Variants in ITGAM observed in about 807,000 individuals in gnomAD.
ITGAM encodes integrin subunit alpha M.
In ITGAM, 79 loss-of-function variants were observed where a neutral mutation model predicts 137.5. That is an observed-to-expected ratio of 0.57 (90% CI 0.48 to 0.69). The LOEUF (loss-of-function observed/expected upper bound fraction) is 0.69. Ranked by LOEUF, ITGAM falls within the 30% of genes least tolerant of loss-of-function variation. The pLI, the probability that ITGAM is intolerant of heterozygous loss-of-function variation, is 0.00. For synonymous variants in ITGAM, 583 were observed against 592.3 expected (o/e 0.98, Z 0.23); for missense variants, 1,343 against 1,483.5 (o/e 0.91, Z 1.56).
chr16:31,293,142 A>G lies in ITGAM; in HGVS notation c.1357-4372A>G, dbSNP rs1032985244. Among the ~76,000 whole-genome samples the G allele has an allele frequency of 3.3e-5, 5 of 152,084 alleles. No individual in the cohort carries two copies. In the East Asian group the frequency reaches 5.8e-4, roughly 18 times the overall value. ...GTAAATTTGTTTAAGTACCCTGTAGATGTTGGATATTACACCTTTGTTGGA... is the reference window on the plus strand; with the variant it reads ...GTAAATTTGTTTAAGTACCCTGTAGGTGTTGGATATTACACCTTTGTTGGA... On this transcript the variant is annotated intron_variant, in intron 12 of 29. Transcript: ENST00000544665.
At chr16:31,325,886 C>T (rs973272541) in intron 21 of ITGAM, among the ~76,000 whole-genome samples, 1 of 151,830 alleles carries the variant, frequency 6.6e-6, no homozygotes, top group African/African-American at 2.4e-5. Context: ...GGTGACACGG[C>T]GAGACCCTGT....
intron 14 of ITGAM, among the ~76,000 whole-genome samples, chr16:31,313,865 T>C (rs2080361960): frequency 6.6e-6 from 1 of 152,194 alleles, no homozygotes; most frequent in South Asian, 2.1e-4. Flanking sequence ...AGCATTCTTA[T>C]TTCTCCACAT....
chr16:31,329,287 T>C lies in ITGAM; in HGVS notation c.2852T>C (p.Met951Thr), dbSNP rs1259018308. ...FTASENTSRV[M>T]QHQYQVSNLG... ...GCCTCAGAGAATACCAGTCGGGTCA[T>C]GCAGCATCAATATCAGGTGGGCAGC... The change falls in exon 24 of 30, where the codon ATG (methionine) becomes ACG (threonine). Residue 951 changes from methionine to threonine, a missense_variant. Physicochemically the swap from Met to Thr is moderately conservative, Grantham distance 81. Transcript: ENST00000544665. 1 of 1,612,038 alleles carries C rather than the reference T, an allele frequency of 6.2e-7. No individual in the cohort carries two copies. The highest frequency in any genetic ancestry group is 8.5e-7 in the Non-Finnish European group (1 of 1,178,470).
chr16:31,329,744 C>G, intron 24 of ITGAM, 54 bp from the exon 25 acceptor site: 1 of 1,477,090 alleles, frequency 6.8e-7, no homozygotes, highest in Non-Finnish European at 9.2e-7. Context: ...GGCTGATTCT[C>G]CAGGCTGGTG....
At chr16:31,298,968 T>C (rs942976762) in intron 14 of ITGAM, among the ~76,000 whole-genome samples, 2 of 152,184 alleles carry the variant, frequency 1.3e-5, no homozygotes, top group Non-Finnish European at 2.9e-5. Flanking sequence ...ACAGTCTGGT[T>C]CCATCTTCCC....
intron 12 of ITGAM, among the ~76,000 whole-genome samples, chr16:31,291,160 T>A (rs1044326160): frequency 6.6e-6 from 1 of 152,212 alleles, no homozygotes; most frequent in Admixed American, 6.5e-5. Flanking sequence ...TGGGTTGATC[T>A]ACAGATTCAA....
chr16:31,269,679 C>T (rs1468106536), intron 5 of ITGAM, among the ~76,000 whole-genome samples: 1 of 152,136 alleles, frequency 6.6e-6, no homozygotes, highest in Non-Finnish European at 1.5e-5. Flanking sequence ...AGGGACTTTC[C>T]AAGCCCTGGG....
intron 5 of ITGAM, among the ~76,000 whole-genome samples, chr16:31,270,137 G>C (rs2077204): frequency 0.032 from 2,783 of 86,306 alleles, 102 homozygotes; most frequent in African/African-American, 0.068. Flanking sequence ...TTCCTCCTTT[G>C]CTTTCCTTTC....
rs1044951733 is a variant in ITGAM, at chr16:31,273,289, CT to C, written c.705-75del. ...CCAGCCTGGATAACAGAGTGAGTGT[CT>C]ATTTCTTAAAAAAAAAAAAAAACTA... On this transcript the variant is annotated intron_variant, in intron 7 of 29. Transcript: ENST00000544665. The C allele has an allele frequency of 3.1e-6, 4 of 1,296,050 alleles. No individual in the cohort carries two copies. In the African/African-American group the frequency reaches 6.0e-5, roughly 19 times the overall value. The allele number at this position is 1,296,050 out of a possible 1,614,324, so 80.3% of individuals were successfully genotyped here.
chr16:31,325,202 G>A lies in ITGAM; in HGVS notation c.2364-61G>A, dbSNP rs41410553. ...GTGTCTGCGTCTCTGTTCTGCTGGA[G>A]CAGGCTTGCCACAGGGAAGCCCAGC... On this transcript the variant is annotated intron_variant, in intron 19 of 29. Transcript: ENST00000544665. The A allele has an allele frequency of 5.0e-4, 786 of 1,560,050 alleles. 1 individual carries two copies. In the African/African-American group the frequency reaches 9.5e-3, roughly 19 times the overall value.
chr16:31,262,337 A>ATCCTTCCT (rs71151462), intron 2 of ITGAM, among the ~76,000 whole-genome samples: 175 of 89,104 alleles, frequency 2.0e-3, no homozygotes, highest in South Asian at 6.9e-3. Context: ...CCTCCCTTCC[A>ATCCTTCCT]TCCTTCCTTC....
chr16:31,271,713 A>G (rs887067048), intron 6 of ITGAM, 134 bp from the exon 7 acceptor site: 5 of 1,043,588 alleles, frequency 4.8e-6, no homozygotes, highest in Non-Finnish European at 7.0e-6. Flanking sequence ...CGTCCTGGTG[A>G]GGCAGGGGAT....
In ITGAM at chr16:31,317,920, G is replaced by A. The variant is rs919745046; in HGVS notation, c.1708-3321G>A. Among the ~76,000 whole-genome samples the A allele has an allele frequency of 2.0e-5, 3 of 152,116 alleles. 1 individual carries two copies. The highest frequency in any genetic ancestry group is 1.3e-4 in the Admixed American group (2 of 15,262). On this transcript the variant is annotated intron_variant, in intron 14 of 29. Coordinates refer to ENST00000544665, the MANE Select transcript of ITGAM (RefSeq NM_000632.4). ...GGGATTTAGTGTCAGGATAGTGCTTGCCTCATACAATAAGTTTGGAAGTAT... is the reference window on the plus strand; with the variant it reads ...GGGATTTAGTGTCAGGATAGTGCTTACCTCATACAATAAGTTTGGAAGTAT...
intron 2 of ITGAM, among the ~76,000 whole-genome samples, chr16:31,263,961 G>A (rs1279792538): frequency 6.6e-6 from 1 of 151,288 alleles, no homozygotes; most frequent in Non-Finnish European, 1.5e-5. Context: ...TCAGCCTCCC[G>A]AGTAGCTGGG....
rs570570644 is a variant in ITGAM at position 31,287,518 on chromosome 16, T to C, written c.1356+9409T>C. 2.4e-4 allele frequency among the ~76,000 whole-genome samples: 37 copies of C among 152,350 alleles called. 1 individual carries two copies. The highest frequency in any genetic ancestry group is 1.9e-3 in the South Asian group (9 of 4,830). On this transcript the variant is annotated intron_variant, in intron 12 of 29. Coordinates refer to ENST00000544665, the MANE Select transcript of ITGAM (RefSeq NM_000632.4). ...CCATGAGCATGGAATACTTTTCCGC[T>C]TATTTGTGTCGTCTCTGATTTCTTT... is the stretch of plus-strand genomic sequence containing the variant.
At chr16:31,308,454 C>T (rs554560770) in intron 14 of ITGAM, among the ~76,000 whole-genome samples, 26 of 151,958 alleles carry the variant, frequency 1.7e-4, no homozygotes, top group African/African-American at 5.3e-4. Context: ...TTTGTAGTAT[C>T]CTCTGATGGT....
At position 31,266,705 on chromosome 16, in the gene ITGAM, G is replaced by A. The variant is rs557911480; in HGVS notation, c.427+558G>A. Among the ~76,000 whole-genome samples, 23 of 152,036 alleles carry A rather than the reference G, an allele frequency of 1.5e-4. 1 individual carries two copies. The highest frequency in any genetic ancestry group is 5.6e-4 in the African/African-American group (23 of 41,382). On this transcript the variant is annotated intron_variant, in intron 5 of 29. Coordinates refer to ENST00000544665, the MANE Select transcript of ITGAM (RefSeq NM_000632.4). Reference sequence around the variant, plus strand: ...AACCTGGGTGACAGAGCAAGACCCTGTCTTTAAAAAATAAGTCCAGGTCAC... The same window carrying A: ...AACCTGGGTGACAGAGCAAGACCCTATCTTTAAAAAATAAGTCCAGGTCAC...
At position 31,332,227 on chromosome 16, in the gene ITGAM, T is replaced by C. The variant is rs1180254923; in HGVS notation, c.*520T>C. 6.6e-6 allele frequency: 1 copy of C among 152,656 alleles called. No individual in the cohort carries two copies. The highest frequency in any genetic ancestry group is 1.5e-5 in the Non-Finnish European group (1 of 68,352). 9.5% of individuals were successfully genotyped at this position (152,656 alleles called of 1,614,324 possible). A position where few individuals can be genotyped will look rare whatever the true frequency, so the allele number is the denominator to read the frequency against. On this transcript the variant is annotated 3_prime_UTR_variant, in exon 30 of 30. Coordinates refer to ENST00000544665, the MANE Select transcript of ITGAM (RefSeq NM_000632.4). Reference sequence around the variant, plus strand: ...ACAGAGGGAAACACAGCAGCTTCTCTCCACTGAAAGAAGTGGGACTTCCCG... The same window carrying C: ...ACAGAGGGAAACACAGCAGCTTCTCCCCACTGAAAGAAGTGGGACTTCCCG...
At chr16:31,270,730 T>A (rs2079826649) in intron 5 of ITGAM, among the ~76,000 whole-genome samples, 1 of 112,138 alleles carries the variant, frequency 8.9e-6, no homozygotes, top group Non-Finnish European at 1.8e-5. Flanking sequence ...TATATATATA[T>A]ATATATATAT....
Sources: allele counts gnomAD v4.1 joint callset (sites outside exome capture counted in the v4.1 genomes callset), GRCh38; gene constraint gnomAD v4.1.1; transcripts MANE v1.5; gene names NCBI Gene and HGNC (gene_info 2026-07-23, HGNC 2026-07-21).